Variants in EGLN1 observed in about 807,000 individuals in gnomAD.
The protein encoded by EGLN1 is egl nine homolog 1.
A neutral mutation model predicts 38.3 loss-of-function variants in EGLN1; 17 were observed. The ratio of observed to expected loss-of-function variants is 0.44; its 90% CI spans 0.30 to 0.67. The LOEUF is 0.67. Ranked by LOEUF, EGLN1 falls within the 30% of genes least tolerant of loss-of-function variation. EGLN1 has a pLI of 0.08. For missense variants in EGLN1, 477 were observed against 603.3 expected, an observed-to-expected ratio of 0.79 and a Z score of 2.19; for synonymous variants, 283 against 257.5, an observed-to-expected ratio of 1.10 and a Z score of -0.95.
intron 1 of EGLN1, among the ~76,000 whole-genome samples, chr1:231,379,877 G>A (rs1688039852): frequency 6.6e-6 from 1 of 152,166 alleles, no homozygotes. Flanking sequence ...TACTGCACAT[G>A]GTATTTTTCA....
At chr1:231,387,005 C>T (rs1205320521) in intron 1 of EGLN1, among the ~76,000 whole-genome samples, 1 of 151,456 alleles carries the variant, frequency 6.6e-6, no homozygotes, top group African/African-American at 2.4e-5. Context: ...TACAGGTGTG[C>T]ACCATCACAC....
At chr1:231,406,087 G>A (rs531980125) in intron 1 of EGLN1, among the ~76,000 whole-genome samples, 8 of 140,112 alleles carry the variant, frequency 5.7e-5, no homozygotes, top group South Asian at 2.2e-4. Flanking sequence ...GCATGAACCC[G>A]GGAGGCGGAA....
intron 1 of EGLN1, among the ~76,000 whole-genome samples, chr1:231,397,165 G>A (rs1181530092): frequency 1.3e-5 from 2 of 152,156 alleles, no homozygotes; most frequent in Admixed American, 6.5e-5. Context: ...TCCAACAAAT[G>A]GCAGAAGAGT....
intron 2 of EGLN1, 103 bp downstream of exon 2, chr1:231,373,877 T>C: frequency 7.1e-7 from 1 of 1,413,314 alleles, no homozygotes; most frequent in Non-Finnish European, 9.8e-7. Flanking sequence ...AGAGGAAAAT[T>C]TTTAACTGTG....
At chr1:231,373,696 G>GTGTGTA (rs1558379496) in intron 2 of EGLN1, among the ~76,000 whole-genome samples, 1 of 138,856 alleles carries the variant, frequency 7.2e-6, no homozygotes, top group Non-Finnish European at 1.6e-5. Context: ...GTGTGTGTGT[G>GTGTGTA]TGTGTGTATG....
intron 3 of EGLN1, among the ~76,000 whole-genome samples, chr1:231,368,268 A>G (rs1351520264): frequency 2.0e-5 from 3 of 152,210 alleles, no homozygotes; most frequent in Non-Finnish European, 4.4e-5. Context: ...CAAGTACTAA[A>G]AGAACAGAAA....
intron 1 of EGLN1, among the ~76,000 whole-genome samples, chr1:231,395,301 G>A (rs903465850): frequency 6.6e-6 from 1 of 152,130 alleles, no homozygotes; most frequent in Non-Finnish European, 1.5e-5. Flanking sequence ...CTATGTCAAC[G>A]GTTCCAAACT....
chr1:231,366,201 T>C lies in EGLN1; in HGVS notation c.*210A>G. On this transcript the variant is annotated 3_prime_UTR_variant, in exon 5 of 5. Coordinates refer to ENST00000366641, the MANE Select transcript of EGLN1 (RefSeq NM_022051.3). ...CAATTAGTAGCTTATCTTCCTCCTG[T>C]AAGCAATCACAGATTTGAAGTTGAT... 1.7e-6 allele frequency: 1 copy of C among 605,856 alleles called. No individual in the cohort carries two copies. The highest frequency in any genetic ancestry group is 2.1e-5 in the South Asian group (1 of 47,634). The allele number at this position is 605,856 out of a possible 1,614,324, so 37.5% of individuals were successfully genotyped here.
intron 1 of EGLN1, among the ~76,000 whole-genome samples, chr1:231,378,029 T>C (rs778357684): frequency 6.6e-6 from 1 of 152,208 alleles, no homozygotes; most frequent in Non-Finnish European, 1.5e-5. Context: ...TATTTAAAAG[T>C]GGCCATTACC....
At chr1:231,368,244 C>A (rs1228102636) in intron 3 of EGLN1, among the ~76,000 whole-genome samples, 2 of 152,016 alleles carry the variant, frequency 1.3e-5, no homozygotes, top group Non-Finnish European at 2.9e-5. Context: ...AGAAAAAGCA[C>A]ATTATCAATA....
intron 1 of EGLN1, among the ~76,000 whole-genome samples, chr1:231,409,227 T>C (rs1163767269): frequency 6.8e-6 from 1 of 147,490 alleles, no homozygotes; most frequent in African/African-American, 2.5e-5. Flanking sequence ...TTTAGAAGTC[T>C]TAGCCTAATT....
chr1:231,380,315 CAAAAAAAAAAA>C (rs35280417), intron 1 of EGLN1, among the ~76,000 whole-genome samples: 4 of 101,842 alleles, frequency 3.9e-5, no homozygotes, highest in South Asian at 3.7e-4. Flanking sequence ...GACTCCGTCT[CAAAAAAAAAAA>C]AAAAAAAAAG....
intron 1 of EGLN1, among the ~76,000 whole-genome samples, chr1:231,419,990 G>A (rs1314097488): frequency 6.6e-6 from 1 of 152,164 alleles, no homozygotes; most frequent in Non-Finnish European, 1.5e-5. Flanking sequence ...GGTGGCCTGG[G>A]AGCAGCCACA....
chr1:231,403,156 G>T, intron 1 of EGLN1, among the ~76,000 whole-genome samples: 1 of 152,092 alleles, frequency 6.6e-6, no homozygotes, highest in Admixed American at 6.5e-5. Context: ...TTATGGCCTA[G>T]CACCTGTTGT....
At chr1:231,391,480 C>T (rs1397479720) in intron 1 of EGLN1, among the ~76,000 whole-genome samples, 5 of 152,038 alleles carry the variant, frequency 3.3e-5, no homozygotes, top group South Asian at 2.1e-4. Context: ...TCCTTTATGA[C>T]GACACAGATC....
At chr1:231,405,985 C>G (rs1353888702) in intron 1 of EGLN1, among the ~76,000 whole-genome samples, 1 of 107,692 alleles carries the variant, frequency 9.3e-6, no homozygotes, top group Admixed American at 1.0e-4. Context: ...CCACCCCCCA[C>G]CCCCACCCAA....
rs1208446830 is a variant in EGLN1 at position 231,365,335 on chromosome 1, C to T, written c.*1076G>A. 1 of 152,164 alleles carries T rather than the reference C, an allele frequency of 6.6e-6. No individual in the cohort carries two copies. The highest frequency in any genetic ancestry group is 6.5e-5 in the Admixed American group (1 of 15,272). The allele number at this position is 152,164 out of a possible 1,614,324, so 9.4% of individuals were successfully genotyped here. Reference sequence around the variant, plus strand: ...GTCTACATCTAGAGGATACATACACCTGAAAGCTTAAGAAAGCCCTTATCT... The same window carrying T: ...GTCTACATCTAGAGGATACATACACTTGAAAGCTTAAGAAAGCCCTTATCT... On this transcript the variant is annotated 3_prime_UTR_variant, in exon 5 of 5. Coordinates refer to ENST00000366641, the MANE Select transcript of EGLN1 (RefSeq NM_022051.3).
rs1558387104 is a variant in EGLN1 at position 231,391,088 on chromosome 1, T to TGTGTGTG, written c.892-16990_892-16989insCACACAC. The stretch of plus-strand genomic sequence containing the variant: ...TGAGACAGGGAACTCATTCTGTTTT[T>TGTGTGTG]TTTTTGTGTGTGTGTGTGTGTGTGT... On this transcript the variant is annotated intron_variant, in intron 1 of 4. Coordinates refer to ENST00000366641, the MANE Select transcript of EGLN1 (RefSeq NM_022051.3). 2.0e-3 allele frequency among the ~76,000 whole-genome samples: 71 copies of TGTGTGTG among 34,728 alleles called. 6 individuals carry two copies. Among genetic ancestry groups the TGTGTGTG allele is most frequent in the African/African-American group, 4.7e-3 (66 of 14,030 alleles). 22.8% of individuals were successfully genotyped at this position (34,728 alleles called of 152,430 possible). A position where few individuals can be genotyped will look rare whatever the true frequency, so the allele number is the denominator to read the frequency against.
intron 1 of EGLN1, among the ~76,000 whole-genome samples, chr1:231,401,535 TTG>T (rs1688664306): frequency 6.6e-6 from 1 of 152,136 alleles, no homozygotes; most frequent in South Asian, 2.1e-4. Flanking sequence ...ATCAGATTAT[TTG>T]TGACAGAAAA....
Sources: allele counts gnomAD v4.1 joint callset (sites outside exome capture counted in the v4.1 genomes callset), GRCh38; gene constraint gnomAD v4.1.1; transcripts MANE v1.5; gene names NCBI Gene and HGNC (gene_info 2026-07-23, HGNC 2026-07-21).